The following RANBP9 variants were observed in gnomAD, a reference collection of about 807,000 sequenced individuals.
The protein encoded by RANBP9 is RAN binding protein 9.
RANBP9 carries 15 observed loss-of-function variants against 84.3 expected under a neutral mutation model. The observed-to-expected ratio is 0.18, with a 90% CI of 0.12 to 0.27. The LOEUF (loss-of-function observed/expected upper bound fraction) is 0.27. Among genes scored for constraint, RANBP9 ranks in the 10% least tolerant of loss-of-function variants. The pLI is 1.00. For missense variants in RANBP9, 809 were observed against 912.8 expected (o/e 0.89, Z 1.46); for synonymous variants, 392 against 349.6 (o/e 1.12, Z -1.35).
chr6:13,630,212 A>C (rs957345400), intron 12 of RANBP9, among the ~76,000 whole-genome samples: 1 of 152,176 alleles, frequency 6.6e-6, no homozygotes, highest in Non-Finnish European at 1.5e-5. Context: ...TCAGAGTATT[A>C]AGAAAGTCTC....
At chr6:13,691,952 G>A (rs1766331100) in intron 2 of RANBP9, among the ~76,000 whole-genome samples, 1 of 152,094 alleles carries the variant, frequency 6.6e-6, no homozygotes, top group Admixed American at 6.6e-5. Flanking sequence ...GAGCCACTGT[G>A]CCCAGCGAAA....
chr6:13,711,428 G>C lies in RANBP9; in HGVS notation c.78C>G (p.Ala26=), dbSNP rs1474648516. ...QQQLSPPPPA[A]LAPVSGVVLP... ...GGACGACTCCGGAGACTGGGGCCAA[G>C]GCCGCCGGCGGTGGCGGCGACAGCT... is the stretch of plus-strand genomic sequence containing the variant. Residue 26 remains alanine, a synonymous_variant, in exon 1 of 14, where the codon GCC becomes GCG. Coordinates refer to ENST00000011619, the MANE Select transcript of RANBP9 (RefSeq NM_005493.3). 1 of 1,194,346 alleles carries C rather than the reference G, an allele frequency of 8.4e-7. No homozygotes were observed. Among genetic ancestry groups the C allele is most frequent in the African/African-American group, 1.6e-5 (1 of 62,850 alleles). 74.0% of individuals were successfully genotyped at this position (1,194,346 alleles called of 1,614,324 possible). A position where few individuals can be genotyped will look rare whatever the true frequency, so the allele number is the denominator to read the frequency against.
At chr6:13,654,457 T>C (rs1765358780) in intron 4 of RANBP9, among the ~76,000 whole-genome samples, 1 of 152,206 alleles carries the variant, frequency 6.6e-6, no homozygotes, top group African/African-American at 2.4e-5. Flanking sequence ...AGTAAACAAA[T>C]ATACATTCTG....
intron 2 of RANBP9, among the ~76,000 whole-genome samples, chr6:13,688,475 A>T (rs890425454): frequency 6.6e-6 from 1 of 152,112 alleles, no homozygotes; most frequent in Non-Finnish European, 1.5e-5. Context: ...TATGTCTACT[A>T]CTGTGTATCT....
chr6:13,677,380 A>G (rs1020950507), intron 2 of RANBP9, among the ~76,000 whole-genome samples: 1 of 152,232 alleles, frequency 6.6e-6, no homozygotes, highest in Non-Finnish European at 1.5e-5. Flanking sequence ...GCCTATGTTC[A>G]TGGACAGGAA....
At chr6:13,640,107 G>A (rs149194896) in intron 8 of RANBP9, among the ~76,000 whole-genome samples, 65 of 152,248 alleles carry the variant, frequency 4.3e-4, no homozygotes, top group African/African-American at 1.5e-3. Context: ...CTAAGGACAT[G>A]ATTTTATGTA....
At chr6:13,659,350 A>T (rs766559226) in intron 2 of RANBP9, among the ~76,000 whole-genome samples, 1 of 152,056 alleles carries the variant, frequency 6.6e-6, no homozygotes, top group Non-Finnish European at 1.5e-5. Flanking sequence ...AAATATCTTA[A>T]TAAAATTACC....
intron 2 of RANBP9, among the ~76,000 whole-genome samples, chr6:13,667,267 C>G (rs956677322): frequency 3.9e-5 from 6 of 152,162 alleles, no homozygotes; most frequent in African/African-American, 1.4e-4. Context: ...ATCTTGCTAT[C>G]TGTCCATCTG....
chr6:13,648,141 G>GTTTTTTTTT lies in RANBP9; in HGVS notation c.928-3421_928-3413dup, dbSNP rs375219477. On this transcript the variant is annotated intron_variant, in intron 5 of 13. Coordinates refer to ENST00000011619, the MANE Select transcript of RANBP9 (RefSeq NM_005493.3). Reference sequence around the variant, plus strand: ...CAAAATATGTGATCTTATATGACTGGTTTTTTTTTTTTTTTTTTTTTTTTT... The same window carrying GTTTTTTTTT: ...CAAAATATGTGATCTTATATGACTGGTTTTTTTTTTTTTTTTTTTTTTTTTTTTTTTTTT... Among the ~76,000 whole-genome samples the GTTTTTTTTT allele has an allele frequency of 4.2e-3, 342 of 80,672 alleles. 16 individuals carry two copies. The highest frequency in any genetic ancestry group is 8.3e-3 in the Middle Eastern group (1 of 120). The allele number at this position is 80,672 out of a possible 152,430, so 52.9% of individuals were successfully genotyped here.
intron 13 of RANBP9, among the ~76,000 whole-genome samples, chr6:13,624,708 G>A (rs1167637938): frequency 1.3e-5 from 2 of 152,148 alleles, no homozygotes; most frequent in Non-Finnish European, 2.9e-5. Context: ...GCAACCAAAC[G>A]AACATCGAAT....
chr6:13,629,974 A>AC (rs1241653597), intron 12 of RANBP9, among the ~76,000 whole-genome samples: 3 of 151,750 alleles, frequency 2.0e-5, no homozygotes, highest in Non-Finnish European at 4.4e-5. Context: ...CACATGACTC[A>AC]AAGTTTATGC....
chr6:13,668,728 A>G (rs952133465), intron 2 of RANBP9, among the ~76,000 whole-genome samples: 4 of 152,058 alleles, frequency 2.6e-5, no homozygotes, highest in African/African-American at 9.7e-5. Flanking sequence ...ACAGAAGGAA[A>G]CTTCCTCACA....
chr6:13,677,122 C>T (rs1198251471), intron 2 of RANBP9, among the ~76,000 whole-genome samples: 34 of 151,970 alleles, frequency 2.2e-4, no homozygotes, highest in Non-Finnish European at 5.9e-5. Context: ...AAAGAATTGA[C>T]AGAAAAAAAC....
intron 2 of RANBP9, among the ~76,000 whole-genome samples, chr6:13,688,306 T>G (rs193284096): frequency 6.5e-4 from 99 of 152,316 alleles, no homozygotes; most frequent in African/African-American, 2.3e-3. Flanking sequence ...TCCTATCTTG[T>G]GAAGGATACC....
At chr6:13,710,810 G>GACCCC in intron 1 of RANBP9, 125 bp downstream of exon 1, 1 of 1,035,398 alleles carries the variant, frequency 9.7e-7, no homozygotes, top group African/African-American at 1.7e-5. Context: ...CACAACAGGC[G>GACCCC]GCGAGTGGCC....
At chr6:13,666,855 G>C (rs1437082170) in intron 2 of RANBP9, among the ~76,000 whole-genome samples, 1 of 152,078 alleles carries the variant, frequency 6.6e-6, no homozygotes, top group Non-Finnish European at 1.5e-5. Context: ...CCTGGGAAAT[G>C]GGTGTCATAA....
chr6:13,705,290 G>C lies in RANBP9; in HGVS notation c.571+5645C>G, dbSNP rs183175945. Reference sequence around the variant, plus strand: ...GTGGTGGCAGGCGCTTGTAATCCCGGCTACTTGGGAGGCTGAGGCTGGAAA... The same window carrying C: ...GTGGTGGCAGGCGCTTGTAATCCCGCCTACTTGGGAGGCTGAGGCTGGAAA... On this transcript the variant is annotated intron_variant, in intron 1 of 13. Coordinates refer to ENST00000011619, the MANE Select transcript of RANBP9 (RefSeq NM_005493.3). Among the ~76,000 whole-genome samples, 499 of 150,896 alleles carry C rather than the reference G, an allele frequency of 3.3e-3. 2 individuals are homozygous for C. The highest frequency in any genetic ancestry group is 0.012 in the African/African-American group (486 of 41,054).
In RANBP9 at chr6:13,698,185, C is replaced by T. The variant is rs2113359662; in HGVS notation, c.572-1289G>A. Among the ~76,000 whole-genome samples, 3 of 152,270 alleles carry T rather than the reference C, an allele frequency of 2.0e-5. No individual in the cohort carries two copies. The South Asian group carries it at 6.2e-4, about 32-fold the overall frequency. On this transcript the variant is annotated intron_variant, in intron 1 of 13. Transcript: ENST00000011619. ...CAAAAAAATGGAATGAATTCTGCCA[C>T]TCCTTCCATTACCATGAAAACTTGG...
chr6:13,692,072 AT>A (rs1402085655), intron 2 of RANBP9, among the ~76,000 whole-genome samples: 2 of 152,214 alleles, frequency 1.3e-5, no homozygotes, highest in Admixed American at 6.5e-5. Context: ...AGATGTTGAG[AT>A]TTTTAGGAAA....
Sources: allele counts gnomAD v4.1 joint callset (sites outside exome capture counted in the v4.1 genomes callset), GRCh38; gene constraint gnomAD v4.1.1; transcripts MANE v1.5; gene names NCBI Gene and HGNC (gene_info 2026-07-23, HGNC 2026-07-21).